PCDHA9: variants seen among roughly 807,000 people sequenced by gnomAD.
PCDHA9 encodes protocadherin alpha 9, also known as protocadherin alpha-9.
A neutral mutation model predicts 62.0 loss-of-function variants in PCDHA9; 62 were observed. The ratio of observed to expected loss-of-function variants is 1.00; its 90% CI spans 0.81 to 1.23. The LOEUF is 1.23. Among genes scored for constraint, PCDHA9 ranks in the 50% most tolerant of loss-of-function variants. The pLI is 0.00. For missense variants in PCDHA9, 1,205 were observed against 1,249.8 expected, an observed-to-expected ratio of 0.96 and a Z score of 0.54; for synonymous variants, 557 against 567.6, an observed-to-expected ratio of 0.98 and a Z score of 0.27.
At position 140,913,249 on chromosome 5, in the gene PCDHA9, A is replaced by G. The variant is rs1389386272; in HGVS notation, c.2394+62360A>G. ...CTTTGCTGGGAGACTTTTTGTTACA[A>G]CTTTGATCTAATTACTTGTTATTGG... On this transcript the variant is annotated intron_variant, in intron 1 of 3. Transcript: ENST00000532602. Among the ~76,000 whole-genome samples the G allele has an allele frequency of 4.6e-5, 7 of 152,262 alleles. No individual in the cohort carries two copies. The East Asian group carries it at 9.6e-4, about 21-fold the overall frequency.
intron 1 of PCDHA9, chr5:140,884,831 ATCCT>A: frequency 1.1e-6 from 1 of 939,722 alleles, no homozygotes; most frequent in Non-Finnish European, 1.5e-6. Flanking sequence ...GTGTTGGATT[ATCCT>A]TCAGAGTGAA....
chr5:140,891,635 G>A (rs1266162781), intron 1 of PCDHA9, among the ~76,000 whole-genome samples: 3 of 151,868 alleles, frequency 2.0e-5, no homozygotes, highest in African/African-American at 7.3e-5. Context: ...TTTGCTCTTT[G>A]GGCTTTATTG....
intron 1 of PCDHA9, chr5:140,969,343 G>C: frequency 1.2e-6 from 2 of 1,613,728 alleles, no homozygotes; most frequent in Non-Finnish European, 1.7e-6. Flanking sequence ...TGAGACAGTG[G>C]TCAGGGGGTC....
At chr5:140,900,079 C>T (rs1289822790) in intron 1 of PCDHA9, among the ~76,000 whole-genome samples, 11 of 152,066 alleles carry the variant, frequency 7.2e-5, no homozygotes, top group East Asian at 3.9e-4. Context: ...AAAAGTGCTG[C>T]AGTTACAAGC....
intron 1 of PCDHA9, among the ~76,000 whole-genome samples, chr5:140,906,368 T>C (rs1554192499): frequency 1.3e-5 from 2 of 152,198 alleles, no homozygotes. Flanking sequence ...CCAACCCAAA[T>C]GCTATTACAT....
At chr5:140,873,957 A>C (rs993299790) in intron 1 of PCDHA9, among the ~76,000 whole-genome samples, 7 of 152,236 alleles carry the variant, frequency 4.6e-5, no homozygotes, top group Non-Finnish European at 7.3e-5. Flanking sequence ...CACTGAGCCC[A>C]GCCTATTTTT....
chr5:140,997,984 A>G (rs1004761154), intron 3 of PCDHA9, among the ~76,000 whole-genome samples: 4 of 152,188 alleles, frequency 2.6e-5, no homozygotes, highest in Admixed American at 2.6e-4. Context: ...TGCACTTGTT[A>G]CATACTTCCC....
chr5:140,931,838 C>G (rs572437091), intron 1 of PCDHA9, among the ~76,000 whole-genome samples: 4 of 151,894 alleles, frequency 2.6e-5, no homozygotes, highest in African/African-American at 9.6e-5. Context: ...ATCCTGAATG[C>G]CTTAATAACA....
At chr5:140,987,938 C>G (rs2153869339) in intron 3 of PCDHA9, among the ~76,000 whole-genome samples, 1 of 152,208 alleles carries the variant, frequency 6.6e-6, no homozygotes, top group East Asian at 1.9e-4. Context: ...AGGATTCTTA[C>G]CTGTCTGACA....
chr5:140,852,903 G>A, intron 1 of PCDHA9: 1 of 833,182 alleles, frequency 1.2e-6, no homozygotes, highest in South Asian at 5.4e-5. Flanking sequence ...TTTTGAGTCA[G>A]AGTCTCGCTC....
At chr5:140,958,867 T>C (rs1312043891) in intron 1 of PCDHA9, among the ~76,000 whole-genome samples, 1 of 152,146 alleles carries the variant, frequency 6.6e-6, no homozygotes, top group Non-Finnish European at 1.5e-5. Context: ...ACTGGGTTTA[T>C]AAAAGAATTG....
chr5:140,870,853 G>C (rs1554164757), intron 1 of PCDHA9: 2 of 1,613,888 alleles, frequency 1.2e-6, no homozygotes, highest in South Asian at 2.2e-5. Context: ...ACCGCGGTCG[G>C]TGGGTGCGGG....
chr5:140,972,832 T>G (rs1209140344), intron 1 of PCDHA9, among the ~76,000 whole-genome samples: 9 of 151,882 alleles, frequency 5.9e-5, no homozygotes. Flanking sequence ...CCTGGCTAAT[T>G]TTTGTATTTT....
At chr5:140,916,688 C>G (rs1422583302) in intron 1 of PCDHA9, among the ~76,000 whole-genome samples, 3 of 152,180 alleles carry the variant, frequency 2.0e-5, no homozygotes, top group Admixed American at 6.5e-5. Flanking sequence ...TTACTCTTTT[C>G]TCTCCTCTCC....
At chr5:140,966,865 G>T (rs1554228807) in intron 1 of PCDHA9, 4 of 1,565,172 alleles carry the variant, frequency 2.6e-6, no homozygotes, top group Non-Finnish European at 1.7e-6. Context: ...TGCTGTTGCT[G>T]CTGCTGCTAC....
intron 1 of PCDHA9, among the ~76,000 whole-genome samples, chr5:140,937,615 T>TCAAAAAAAAAAAAAAAAAAAAAAAAA (rs1472779704): frequency 4.0e-5 from 6 of 149,436 alleles, no homozygotes; most frequent in African/African-American, 1.5e-4. Flanking sequence ...ATACTCCATC[T>TCAAAAAAAAAAAAAAAAAAAAAAAAA]AAAAAGAAAA....
intron 1 of PCDHA9, 139 bp downstream of exon 1, chr5:140,851,028 C>G: frequency 7.1e-7 from 1 of 1,410,134 alleles, no homozygotes. Flanking sequence ...AAAGTAAACC[C>G]CTTAACATTG....
At chr5:140,944,438 C>T (rs1585166190) in intron 1 of PCDHA9, among the ~76,000 whole-genome samples, 2 of 152,154 alleles carry the variant, frequency 1.3e-5, no homozygotes, top group Non-Finnish European at 2.9e-5. Flanking sequence ...CTGCCTGCCT[C>T]GGCCTCCCAA....
intron 1 of PCDHA9, among the ~76,000 whole-genome samples, chr5:140,964,913 A>G (rs1254329232): frequency 6.6e-6 from 1 of 152,202 alleles, no homozygotes; most frequent in African/African-American, 2.4e-5. Context: ...CTCTGGAATA[A>G]CACTGGCTAG....
Sources: allele counts gnomAD v4.1 joint callset (sites outside exome capture counted in the v4.1 genomes callset), GRCh38; gene constraint gnomAD v4.1.1; transcripts MANE v1.5; gene names NCBI Gene and HGNC (gene_info 2026-07-23, HGNC 2026-07-21).